Variants in CRKL observed in about 807,000 individuals in gnomAD.
The protein encoded by CRKL is CRK like proto-oncogene, adaptor protein.
A neutral mutation model predicts 23.0 loss-of-function variants in CRKL; 3 were observed. The observed-to-expected ratio is 0.13, with a 90% CI of 0.06 to 0.34. The LOEUF (loss-of-function observed/expected upper bound fraction) is 0.34, where lower values mean the gene tolerates loss of function less well. CRKL is among the 10% of genes least tolerant of loss of function. The probability of loss-of-function intolerance (pLI) is 1.00; values close to 1 mark genes in which losing one functional copy is unlikely to be tolerated. For synonymous variants in CRKL, 188 were observed against 160.7 expected, an observed-to-expected ratio of 1.17 and a Z score of -1.28; for missense variants, 256 against 394.5, an observed-to-expected ratio of 0.65 and a Z score of 2.97.
At chr22:20,932,033 G>C (rs960322113) in intron 1 of CRKL, among the ~76,000 whole-genome samples, 5 of 151,680 alleles carry the variant, frequency 3.3e-5, no homozygotes, top group African/African-American at 1.2e-4. Flanking sequence ...GGATGGTCTC[G>C]ATCTCCTGAC....
intron 2 of CRKL, among the ~76,000 whole-genome samples, chr22:20,935,787 G>A (rs1334837657): frequency 1.3e-5 from 2 of 152,088 alleles, no homozygotes; most frequent in Admixed American, 6.6e-5. Flanking sequence ...TAGCCCGCAA[G>A]TGCTGGGATT....
intron 2 of CRKL, 121 bp from the exon 3 acceptor site, chr22:20,949,590 A>T: frequency 7.5e-7 from 1 of 1,328,532 alleles, no homozygotes; most frequent in Admixed American, 2.2e-5. Flanking sequence ...TAACAGAGTG[A>T]GACCCTGTGT....
intron 1 of CRKL, among the ~76,000 whole-genome samples, chr22:20,926,796 AAATGCTGGTCAGTGATAAAG>A (rs1389724850): frequency 6.6e-6 from 1 of 152,040 alleles, no homozygotes; most frequent in Non-Finnish European, 1.5e-5. Context: ...CCTGGGCATT[AAATGCTGGTCAGTGATAAAG>A]AATGGTGGTT....
chr22:20,922,185 G>T (rs563368883), intron 1 of CRKL, among the ~76,000 whole-genome samples: 1 of 151,644 alleles, frequency 6.6e-6, no homozygotes, highest in South Asian at 2.1e-4. Context: ...ACCATGTCCG[G>T]CTAATTTTTG....
At chr22:20,934,815 T>C (rs1921589952) in intron 2 of CRKL, among the ~76,000 whole-genome samples, 1 of 138,558 alleles carries the variant, frequency 7.2e-6, no homozygotes, top group Non-Finnish European at 1.6e-5. Flanking sequence ...ATTTTTTTTT[T>C]TTTTTTTTTT....
rs2147905944 is a variant in CRKL at position 20,934,196 on chromosome 22, C to T, written c.729C>T (p.Ile243=). ...ATGGACCTGTCTTTGCGAAAGCAAT[C>T]CAGAAAAGAGTACCCTGTGCTTATG... is the stretch of plus-strand genomic sequence containing the variant. ...TQNGPVFAKA[I]QKRVPCAYDK... is the part of the protein sequence containing the mutation. Residue 243 remains isoleucine, a synonymous_variant, in exon 2 of 3, where the codon ATC becomes ATT. Transcript: ENST00000354336. 6.2e-7 allele frequency: 1 copy of T among 1,614,206 alleles called. No homozygotes were observed. Among genetic ancestry groups the T allele is most frequent in the Non-Finnish European group, 8.5e-7 (1 of 1,180,044 alleles).
In CRKL at chr22:20,949,828, C is replaced by T. The variant is rs766986280; in HGVS notation, c.895C>T (p.Pro299Ser). The T allele has an allele frequency of 3.1e-6, 5 of 1,608,230 alleles. No individual in the cohort carries two copies. The highest frequency in any genetic ancestry group is 4.2e-6 in the Non-Finnish European group (5 of 1,177,912). Residue 299 changes from proline to serine, a missense_variant, in exon 3 of 3, where the codon CCA becomes TCA. Around this residue, in one of 3 missense-constraint regions of CRKL, gnomAD observed 129 missense variants for 222.1 expected, o/e 0.58. Coordinates refer to ENST00000354336, the MANE Select transcript of CRKL (RefSeq NM_005207.4). ...THVKIFDPQN[P>S]DENE ...CGTCAAAATCTTTGACCCTCAAAAC[C>T]CAGATGAAAACGAGTGATTGCTGTT... is the stretch of plus-strand genomic sequence containing the variant.
chr22:20,933,691 A>G (rs1204529132), intron 1 of CRKL, 88 bp from the exon 2 acceptor site: 3 of 1,081,964 alleles, frequency 2.8e-6, no homozygotes, highest in African/African-American at 3.2e-5. Context: ...ATAATTTATT[A>G]TAGAGGAGAG....
intron 2 of CRKL, among the ~76,000 whole-genome samples, chr22:20,937,781 A>G (rs973107551): frequency 6.6e-6 from 1 of 152,056 alleles, no homozygotes; most frequent in South Asian, 2.1e-4. Context: ...GAGAGAATGT[A>G]AATGGGACCT....
At position 20,917,864 on chromosome 22, in the gene CRKL, C is replaced by T. The variant is rs894318336; in HGVS notation, c.-71C>T. ...CTTCCTCGGCCCCAAAGCCGTCTGC[C>T]GGGCTAAGGCGTGCAGAGCAGGCGA... On this transcript the variant is annotated 5_prime_UTR_variant, in exon 1 of 3. Coordinates refer to ENST00000354336, the MANE Select transcript of CRKL (RefSeq NM_005207.4). 2.9e-5 allele frequency: 42 copies of T among 1,461,098 alleles called. No individual in the cohort carries two copies. The highest frequency in any genetic ancestry group is 5.3e-5 in the South Asian group (4 of 75,888). 90.5% of individuals were successfully genotyped at this position (1,461,098 alleles called of 1,614,324 possible).
intron 2 of CRKL, among the ~76,000 whole-genome samples, chr22:20,941,528 T>G (rs5761450): frequency 0.054 from 7,163 of 133,178 alleles, 1,641 homozygotes; most frequent in Non-Finnish European, 0.073. Flanking sequence ...TGTATATATA[T>G]ATATATTTTA....
intron 2 of CRKL, among the ~76,000 whole-genome samples, chr22:20,943,089 G>A (rs1160275469): frequency 6.6e-6 from 1 of 152,086 alleles, no homozygotes; most frequent in Non-Finnish European, 1.5e-5. Flanking sequence ...GGTGTGAAGT[G>A]GTATGTCATT....
Position 20,918,110 on chromosome 22 carries a change from C to T in CRKL, c.176C>T (p.Ser59Phe), listed in dbSNP as rs1364651927. Residue 59 changes from serine (S) to phenylalanine (F), a missense_variant, in exon 1 of 3, where the codon TCC becomes TTC. Around this residue, in one of 3 missense-constraint regions of CRKL, gnomAD observed 85 missense variants for 139.8 expected, o/e 0.61. Coordinates refer to ENST00000354336, the MANE Select transcript of CRKL (RefSeq NM_005207.4). ...VLSVSENSRV[S>F]HYIINSLPNR... is the part of the protein sequence containing the mutation. The stretch of plus-strand genomic sequence containing the variant: ...TCGGTGTCCGAGAACTCGCGGGTCT[C>T]CCACTACATCATCAACTCGCTGCCC... The T allele has an allele frequency of 6.2e-7, 1 of 1,614,206 alleles. No individual in the cohort carries two copies. Among genetic ancestry groups the T allele is most frequent in the Non-Finnish European group, 8.5e-7 (1 of 1,180,040 alleles).
At chr22:20,937,605 G>A (rs1921711289) in intron 2 of CRKL, among the ~76,000 whole-genome samples, 1 of 151,222 alleles carries the variant, frequency 6.6e-6, no homozygotes, top group South Asian at 2.1e-4. Flanking sequence ...GGAGTAGGAG[G>A]AAGGAAGCCT....
chr22:20,925,012 A>AC (rs1921144189), intron 1 of CRKL, among the ~76,000 whole-genome samples: 1 of 151,818 alleles, frequency 6.6e-6, no homozygotes, highest in East Asian at 1.9e-4. Context: ...ACATAGTGAA[A>AC]CCCCGTCTCT....
chr22:20,940,566 CTTTTTTTTTTTT>C (rs55853175), intron 2 of CRKL, among the ~76,000 whole-genome samples: 2 of 134,922 alleles, frequency 1.5e-5, no homozygotes, highest in Non-Finnish European at 3.1e-5. Flanking sequence ...TTTGGTGCTC[CTTTTTTTTTTTT>C]TTTTTTTTGG....
rs944383932 is a variant in CRKL, at chr22:20,951,300, GC to G, written c.*1456del. ...TGTGATGCTCCCAAGCAAAGGAAAT[GC>G]AAGCTCTGGAAATTCGTTAATGTAT... On this transcript the variant is annotated 3_prime_UTR_variant, in exon 3 of 3. Coordinates refer to ENST00000354336, the MANE Select transcript of CRKL (RefSeq NM_005207.4). 3.1e-4 allele frequency: 71 copies of G among 232,092 alleles called. No individual in the cohort carries two copies. The highest frequency in any genetic ancestry group is 7.7e-5 in the Non-Finnish European group (9 of 117,456). 14.4% of individuals were successfully genotyped at this position (232,092 alleles called of 1,614,324 possible). A position where few individuals can be genotyped will look rare whatever the true frequency, so the allele number is the denominator to read the frequency against.
intron 1 of CRKL, among the ~76,000 whole-genome samples, chr22:20,920,899 C>T (rs1920985564): frequency 6.6e-6 from 1 of 152,132 alleles, no homozygotes; most frequent in Non-Finnish European, 1.5e-5. Flanking sequence ...TTCTCTGTGC[C>T]CTCTGCCTCA....
At chr22:20,928,627 A>G (rs1921319338) in intron 1 of CRKL, among the ~76,000 whole-genome samples, 1 of 151,990 alleles carries the variant, frequency 6.6e-6, no homozygotes, top group Non-Finnish European at 1.5e-5. Context: ...AGCTTAGACA[A>G]CATGGCAAGA....
Sources: gnomAD v4.1 joint callset for allele counts (sites outside exome capture counted in the v4.1 genomes callset) on GRCh38, gnomAD v4.1.1 for gene constraint, gnomAD v4.1.1 regional missense constraint, MANE v1.5 for transcripts, NCBI Gene and HGNC (gene_info 2026-07-23, HGNC 2026-07-21) for gene names.